The following DDX21 variants were observed in gnomAD, a reference collection of about 807,000 sequenced individuals.
DDX21 encodes nucleolar RNA helicase 2.
Under a neutral mutation model 90.0 loss-of-function variants are expected in DDX21, and 18 were observed. The observed-to-expected ratio is 0.20, with a 90% CI of 0.14 to 0.30. The LOEUF is 0.30. Among genes scored for constraint, DDX21 ranks in the 10% least tolerant of loss-of-function variants. The pLI is 1.00. For synonymous variants in DDX21, 294 were observed against 318.0 expected (o/e 0.92, Z 0.80); for missense variants, 673 against 944.5 (o/e 0.71, Z 3.77).
At chr10:68,963,155 C>A in intron 3 of DDX21, 136 bp from the exon 4 acceptor site, 2 of 876,524 alleles carry the variant, frequency 2.3e-6, no homozygotes, top group South Asian at 4.0e-5. Flanking sequence ...TTGAGCCTAA[C>A]TTTGTAGATG....
chr10:68,974,028 G>A (rs1455653438), intron 10 of DDX21, among the ~76,000 whole-genome samples: 1 of 152,190 alleles, frequency 6.6e-6, no homozygotes, highest in Non-Finnish European at 1.5e-5. Flanking sequence ...TTGGAATAGT[G>A]TATGTAGATT....
intron 8 of DDX21, 135 bp downstream of exon 8, chr10:68,970,485 CTT>C (rs35874790): frequency 0.058 from 30,060 of 516,960 alleles, no homozygotes; most frequent in South Asian, 0.084. Context: ...GAGGAAGCTA[CTT>C]TTTTTTTTTT....
intron 1 of DDX21, among the ~76,000 whole-genome samples, chr10:68,957,145 G>T (rs916882732): frequency 6.6e-6 from 1 of 152,076 alleles, no homozygotes; most frequent in African/African-American, 2.4e-5. Flanking sequence ...TTAAACTCTC[G>T]TAAGGGAAGT....
rs367635166 is a variant in DDX21, at chr10:68,973,602, G to A, written c.1606G>A (p.Val536Met). The change falls in exon 10 of 15, where the codon GTG (valine) becomes ATG (methionine). Residue 536 changes from valine to methionine, a missense_variant. Around this residue, in one of 4 missense-constraint regions of DDX21, gnomAD observed 26 missense variants for 76.9 expected, o/e 0.34. Coordinates refer to ENST00000354185, the MANE Select transcript of DDX21 (RefSeq NM_004728.4). ...GRTGRAGRTGVCICFYQHKEE... is the reference protein window; with the variant it reads ...GRTGRAGRTGMCICFYQHKEE... ...GACAGGCAGAGCTGGAAGGACGGGG[G>A]TGTGCATCTGCTTTTATCAGCACAA... is the stretch of plus-strand genomic sequence containing the variant. 13 of 1,614,026 alleles carry A rather than the reference G, an allele frequency of 8.1e-6. No individual in the cohort carries two copies. In the South Asian group the frequency reaches 1.3e-4, roughly 16 times the overall value.
chr10:68,980,945 C>G (rs184726209), intron 13 of DDX21, among the ~76,000 whole-genome samples: 1 of 150,292 alleles, frequency 6.7e-6, no homozygotes, highest in Non-Finnish European at 1.5e-5. Flanking sequence ...TAGAGCAAGA[C>G]CCTATCTTAA....
chr10:68,974,452 T>C (rs375440823), intron 10 of DDX21, among the ~76,000 whole-genome samples: 1 of 152,194 alleles, frequency 6.6e-6, no homozygotes, highest in Non-Finnish European at 1.5e-5. Flanking sequence ...GTTTCTTAGT[T>C]GAAACAAATA....
chr10:68,976,195 C>A (rs545742828), intron 11 of DDX21, among the ~76,000 whole-genome samples: 1 of 151,586 alleles, frequency 6.6e-6, no homozygotes, highest in Non-Finnish European at 1.5e-5. Context: ...CTAATGTACT[C>A]CACCCTGGGT....
intron 9 of DDX21, among the ~76,000 whole-genome samples, chr10:68,972,826 AC>A (rs771758695): frequency 1.6e-4 from 24 of 152,212 alleles, no homozygotes; most frequent in Non-Finnish European, 2.8e-4. Context: ...TTGAAGACTT[AC>A]GAAAAAATAC....
At chr10:68,972,721 G>C (rs1245728175) in intron 9 of DDX21, among the ~76,000 whole-genome samples, 3 of 152,218 alleles carry the variant, frequency 2.0e-5, no homozygotes, top group Non-Finnish European at 2.9e-5. Context: ...GCCACTAGCT[G>C]TGTTGAGCAC....
chr10:68,968,971 C>G lies in DDX21; in HGVS notation c.1091-5C>G. ...TACTGACTTTTTTTTTCCCCCTCCT[C>G]AAAGATTCTGAAGACAATCCCCAAA... On this transcript the variant is annotated splice_polypyrimidine_tract_variant and splice_region_variant and intron_variant, in intron 6 of 14. Coordinates refer to ENST00000354185, the MANE Select transcript of DDX21 (RefSeq NM_004728.4). 6.2e-7 allele frequency: 1 copy of G among 1,610,516 alleles called. No individual in the cohort carries two copies. Among genetic ancestry groups the G allele is most frequent in the African/African-American group, 1.3e-5 (1 of 74,678 alleles).
intron 11 of DDX21, 80 bp downstream of exon 11, chr10:68,974,823 C>CT: frequency 1.5e-6 from 2 of 1,351,490 alleles, no homozygotes; most frequent in Non-Finnish European, 2.0e-6. Flanking sequence ...TAAGATTTGA[C>CT]TTAAAAAAAT....
intron 11 of DDX21, 86 bp downstream of exon 11, chr10:68,974,829 A>AC: frequency 8.1e-7 from 1 of 1,232,422 alleles, no homozygotes; most frequent in South Asian, 1.4e-5. Context: ...TTGACTTAAA[A>AC]AAATTTTTTT....
chr10:68,972,770 A>G (rs928295365), intron 9 of DDX21, among the ~76,000 whole-genome samples: 24 of 152,212 alleles, frequency 1.6e-4, no homozygotes, highest in African/African-American at 5.5e-4. Context: ...GTGTACTGCA[A>G]GTGTAAAATA....
At chr10:68,965,020 CCTTA>C (rs1258332986) in intron 4 of DDX21, among the ~76,000 whole-genome samples, 31 of 152,232 alleles carry the variant, frequency 2.0e-4, no homozygotes, top group African/African-American at 7.2e-4. Context: ...GTTGGCTCTA[CCTTA>C]CTTCTCTGAT....
chr10:68,977,886 T>C (rs1164513822), intron 12 of DDX21, among the ~76,000 whole-genome samples, 198 bp downstream of exon 12: 1 of 151,984 alleles, frequency 6.6e-6, no homozygotes, highest in African/African-American at 2.4e-5. Context: ...GGCAGGAGGA[T>C]GGCTTGAGCC....
At chr10:68,956,782 C>A in intron 1 of DDX21, 1 of 999,420 alleles carries the variant, frequency 1.0e-6, no homozygotes, top group Non-Finnish European at 1.2e-6. Context: ...GTGGCTCACG[C>A]CTGTAATCCC....
At chr10:68,969,909 G>A (rs1453996112) in intron 7 of DDX21, among the ~76,000 whole-genome samples, 1 of 152,172 alleles carries the variant, frequency 6.6e-6, no homozygotes, top group Non-Finnish European at 1.5e-5. Flanking sequence ...CTAGGGAGTG[G>A]CATTTCCTTT....
intron 11 of DDX21, among the ~76,000 whole-genome samples, chr10:68,976,240 G>C (rs1843099072): frequency 1.3e-5 from 2 of 150,770 alleles, no homozygotes; most frequent in African/African-American, 4.9e-5. Context: ...AAAGAAAGAG[G>C]GAAGGAAGGA....
Position 68,983,716 on chromosome 10 carries a change from AAAAG to A in DDX21, c.*907_*910del, listed in dbSNP as rs1281824892. The A allele has an allele frequency of 6.6e-6, 1 of 151,494 alleles. No homozygotes were observed. Among genetic ancestry groups the A allele is most frequent in the Non-Finnish European group, 1.5e-5 (1 of 67,906 alleles). The allele number at this position is 151,494 out of a possible 1,614,324, so 9.4% of individuals were successfully genotyped here. A position where few individuals can be genotyped will look rare whatever the true frequency, so the allele number is the denominator to read the frequency against. Reference sequence around the variant, plus strand: ...GAGTATGTAAAAAAAAAAAAAAAAAAAAAGAACCAAACCACTGGAAATAATCAAA... The same window carrying A: ...GAGTATGTAAAAAAAAAAAAAAAAAAAACCAAACCACTGGAAATAATCAAA... On this transcript the variant is annotated 3_prime_UTR_variant, in exon 15 of 15. Transcript: ENST00000354185.
Sources: gnomAD v4.1 joint callset for allele counts (sites outside exome capture counted in the v4.1 genomes callset) on GRCh38, gnomAD v4.1.1 for gene constraint, gnomAD v4.1.1 regional missense constraint, MANE v1.5 for transcripts, NCBI Gene and HGNC (gene_info 2026-07-23, HGNC 2026-07-21) for gene names.